The following PFAS variants were observed in gnomAD, a reference collection of about 807,000 sequenced individuals.
The protein encoded by PFAS is FGAM synthase.
Under a neutral mutation model 140.6 loss-of-function variants are expected in PFAS, and 97 were observed. The observed-to-expected ratio is 0.69, with a 90% CI of 0.59 to 0.82. The LOEUF is 0.82. Among genes scored for constraint, PFAS ranks in the 40% least tolerant of loss-of-function variants. The probability of loss-of-function intolerance (pLI) is 0.00; values close to 1 mark genes in which losing one functional copy is unlikely to be tolerated. For synonymous variants in PFAS, 679 were observed against 718.8 expected (o/e 0.94, Z 0.88); for missense variants, 1,656 against 1,780.2 (o/e 0.93, Z 1.26).
At position 8,266,658 on chromosome 17, in the gene PFAS, G is replaced by A; in HGVS notation, c.2822-95G>A. The stretch of plus-strand genomic sequence containing the variant: ...CCCTACTCTCTGGCTGCATCCCTCT[G>A]ACCCTCACCCTGGCCCTTCCTGCAT... On this transcript the variant is annotated intron_variant, in intron 22 of 27. Coordinates refer to ENST00000314666, the MANE Select transcript of PFAS (RefSeq NM_012393.3). The surrounding 1 kb of genome is among the most constrained non-coding windows in gnomAD (Gnocchi z 5.0). 4 of 1,521,874 alleles carry A rather than the reference G, an allele frequency of 2.6e-6. No individual in the cohort carries two copies. The highest frequency in any genetic ancestry group is 1.3e-5 in the South Asian group (1 of 76,494). 94.3% of individuals were successfully genotyped at this position (1,521,874 alleles called of 1,614,324 possible). A position where few individuals can be genotyped will look rare whatever the true frequency, so the allele number is the denominator to read the frequency against.
rs772471030 is a variant in PFAS at position 8,268,612 on chromosome 17, C to T, written c.3462C>T (p.Ser1154=). Reference sequence around the variant, plus strand: ...TCCGGAAGCGGCCAGACACCTTCAGCCTGGGCGTGTGTAATGGCTGTCAAC... The same window carrying T: ...TCCGGAAGCGGCCAGACACCTTCAGTCTGGGCGTGTGTAATGGCTGTCAAC... ...RRFRKRPDTF[S]LGVCNGCQLL... Residue 1154 remains serine, a synonymous_variant, in exon 27 of 28, where the codon AGC becomes AGT. Coordinates refer to ENST00000314666, the MANE Select transcript of PFAS (RefSeq NM_012393.3). 1.2e-6 allele frequency: 2 copies of T among 1,613,516 alleles called. No individual in the cohort carries two copies. Among genetic ancestry groups the T allele is most frequent in the East Asian group, 2.2e-5 (1 of 44,848 alleles).
chr17:8,264,525 G>T lies in PFAS; in HGVS notation c.1973G>T (p.Gly658Val). Residue 658 changes from glycine (G) to valine (V), a missense_variant, in exon 17 of 28, where the codon GGG becomes GTG. Transcript: ENST00000314666. ...CTGCAGCCTCTGGCCTTGCCCCCAG[G>T]GCTGAGCGTGCACCAGGCTCTGGAG... Reference protein sequence around the residue: ...PMLQPLALPPGLSVHQALERV... With the variant: ...PMLQPLALPPVLSVHQALERV... 2 of 1,613,708 alleles carry T rather than the reference G, an allele frequency of 1.2e-6. No homozygotes were observed. The highest frequency in any genetic ancestry group is 1.3e-5 in the African/African-American group (1 of 75,002).
intron 9 of PFAS, 131 bp from the exon 10 acceptor site, chr17:8,257,675 CT>C (rs1243368934): frequency 1.1e-6 from 1 of 915,146 alleles, no homozygotes; most frequent in East Asian, 2.5e-5. Context: ...TAAAGCAGGA[CT>C]TCCTGAAGTG....
chr17:8,250,563 G>A (rs1272186757), intron 1 of PFAS, among the ~76,000 whole-genome samples: 1 of 152,192 alleles, frequency 6.6e-6, no homozygotes, highest in East Asian at 1.9e-4. Context: ...CAAGACTAGG[G>A]GAACAGCAGA....
intron 13 of PFAS, 40 bp downstream of exon 13, chr17:8,263,305 G>C: frequency 6.2e-7 from 1 of 1,608,762 alleles, no homozygotes; most frequent in Non-Finnish European, 8.5e-7. Flanking sequence ...GGCCTGCCTG[G>C]TATCCTGCCA....
chr17:8,266,224 C>T lies in PFAS; in HGVS notation c.2702-10C>T. On this transcript the variant is annotated splice_polypyrimidine_tract_variant and intron_variant, in intron 21 of 27. Coordinates refer to ENST00000314666, the MANE Select transcript of PFAS (RefSeq NM_012393.3). This position sits in a 1 kb window ranked among gnomAD's most constrained non-coding sequence, Gnocchi z 5.0. ...CCCGAGGTTGCTGAGCTTTCTTCTC[C>T]TTCCTCCAGACCGCCTCCTCTGCTC... The T allele has an allele frequency of 1.2e-6, 2 of 1,613,688 alleles. No homozygotes were observed.
intron 4 of PFAS, 118 bp downstream of exon 4, chr17:8,255,250 A>G (rs973654026): frequency 3.9e-6 from 3 of 763,630 alleles, no homozygotes; most frequent in Non-Finnish European, 6.4e-6. Flanking sequence ...GTATGGTCGT[A>G]CAAGTTGTTC....
rs868110296 is a variant in PFAS at position 8,262,991 on chromosome 17, C to T, written c.1408C>T (p.Gln470Ter). The change falls in exon 12 of 28, where the codon CAG becomes TAG. Residue 470 changes from glutamine to a stop codon, truncating the protein, a stop_gained and splice_region_variant. Transcript: ENST00000314666. LOFTEE classifies it high-confidence loss of function. ...GVGGGAASSVQVQGDNTSDLD... is the reference protein window; with the variant it reads ...GVGGGAASSV ...TGGAGGTGGAGCTGCTTCATCTGTG[C>T]AGGTGAGTGGGAATTGCTAAAGGTG... The T allele has an allele frequency of 3.1e-6, 5 of 1,613,486 alleles. No homozygotes were observed. The highest frequency in any genetic ancestry group is 1.3e-5 in the African/African-American group (1 of 74,992).
rs765753310 is a variant in PFAS, at chr17:8,257,895, A to G, written c.1164A>G (p.Gly388=). The change falls in exon 10 of 28, where the codon GGA becomes GGG. Residue 388 remains glycine (G), a synonymous_variant. Coordinates refer to ENST00000314666, the MANE Select transcript of PFAS (RefSeq NM_012393.3). ...AGGTTGCCATTGAAGCCAGTAATGG[A>G]GCTTCTGACTATGGCAACAAGTTTG... ...PLEVAIEASN[G]ASDYGNKFGE... is the part of the protein sequence containing the mutation. The G allele has an allele frequency of 4.3e-6, 7 of 1,614,058 alleles. No homozygotes were observed. Among genetic ancestry groups the G allele is most frequent in the African/African-American group, 1.3e-5 (1 of 74,986 alleles).
intron 1 of PFAS, among the ~76,000 whole-genome samples, chr17:8,252,549 A>G (rs1037660589): frequency 1.3e-5 from 2 of 151,182 alleles, no homozygotes; most frequent in African/African-American, 4.9e-5. Flanking sequence ...GATTACAGGC[A>G]CGCATCACCA....
chr17:8,248,889 G>A (rs1274101301), upstream of PFAS, among the ~76,000 whole-genome samples: 1 of 152,134 alleles, frequency 6.6e-6, no homozygotes, highest in African/African-American at 2.4e-5. Context: ...CATCCTGTCC[G>A]GCATCCCGCA....
chr17:8,257,739 A>C, intron 9 of PFAS, 68 bp from the exon 10 acceptor site: 1 of 1,551,900 alleles, frequency 6.4e-7, no homozygotes, highest in Non-Finnish European at 8.9e-7. Context: ...TTCCTGAAGG[A>C]TGCAGGCTGC....
At chr17:8,262,748 A>G (rs1989641848) in intron 11 of PFAS, among the ~76,000 whole-genome samples, 172 bp from the exon 12 acceptor site, 1 of 151,898 alleles carries the variant, frequency 6.6e-6, no homozygotes, top group African/African-American at 2.4e-5. Flanking sequence ...GTGAGCTGAG[A>G]TCACACCACT....
In PFAS at chr17:8,256,882, C is replaced by T. The variant is rs778134430; in HGVS notation, c.994C>T (p.Arg332Ter). Reference protein sequence around the residue: ...GATTGTGGRIRDVQCTGRGAH... With the variant: ...GATTGTGGRI ...AACCACTGGCACAGGGGGCCGGATT[C>T]GAGATGTCCAGTGCACAGGCCGCGG... Residue 332 changes from arginine (R) to a stop codon, truncating the protein, a stop_gained, in exon 9 of 28, where the codon CGA becomes TGA. Coordinates refer to ENST00000314666, the MANE Select transcript of PFAS (RefSeq NM_012393.3). LOFTEE classifies it high-confidence loss of function. The T allele has an allele frequency of 7.4e-6, 12 of 1,613,504 alleles. No individual in the cohort carries two copies. The highest frequency in any genetic ancestry group is 9.3e-6 in the Non-Finnish European group (11 of 1,179,728).
intron 1 of PFAS, among the ~76,000 whole-genome samples, chr17:8,251,987 C>CT (rs1050776897): frequency 1.1e-4 from 16 of 151,156 alleles, no homozygotes; most frequent in Admixed American, 3.3e-4. Flanking sequence ...TTAAGCAATT[C>CT]TTTTTTTTTG....
chr17:8,247,621 T>G, upstream of PFAS: 1 of 186,840 alleles, frequency 5.4e-6, no homozygotes, highest in Non-Finnish European at 1.1e-5. Flanking sequence ...TTTCGGCGCT[T>G]TTTGCCTTCT....
At position 8,268,777 on chromosome 17, in the gene PFAS, G is replaced by A. The variant is rs781239760; in HGVS notation, c.3627G>A (p.Val1209=). ...SGRYESRWAS[V]RVGPGPALML... ...GCTACGAGTCTCGCTGGGCCAGCGT[G>A]CGTGTGGGGCCTGGGCCAGCCCTGA... The change falls in exon 27 of 28, where the codon GTG becomes GTA. Residue 1209 remains valine (V), a synonymous_variant. Transcript: ENST00000314666. The A allele has an allele frequency of 6.2e-7, 1 of 1,610,146 alleles. No homozygotes were observed. The highest frequency in any genetic ancestry group is 8.5e-7 in the Non-Finnish European group (1 of 1,179,824).
At position 8,268,846 on chromosome 17, in the gene PFAS, G is replaced by T. The variant is rs756141418; in HGVS notation, c.3696G>T (p.Ala1232=). Residue 1232 remains alanine (A), a synonymous_variant, in exon 27 of 28, where the codon GCG becomes GCT. Transcript: ENST00000314666. ...GCGCCGTGCTGCCCGTGTGGAGTGC[G>T]CACGGGGAAGGTCAGGCCCAAGGAA... ...MEGAVLPVWS[A]HGEGYVAFSS... 6.2e-7 allele frequency: 1 copy of T among 1,608,890 alleles called. No individual in the cohort carries two copies. The highest frequency in any genetic ancestry group is 8.5e-7 in the Non-Finnish European group (1 of 1,179,882).
In PFAS at chr17:8,266,286, C is replaced by T; in HGVS notation, c.2754C>T (p.Cys918=). The change falls in exon 22 of 28, where the codon TGC becomes TGT. Residue 918 remains cysteine, a synonymous_variant. Transcript: ENST00000314666. The surrounding 1 kb of genome is among the most constrained non-coding windows in gnomAD (Gnocchi z 5.0). The part of the protein sequence containing the change: ...HDVSDGGLVT[C]LLEMAFAGNC... ...TCAGTGACGGAGGCCTCGTCACATG[C>T]CTGCTGGAGATGGCCTTTGCTGGAA... 6.2e-7 allele frequency: 1 copy of T among 1,614,094 alleles called. No individual in the cohort carries two copies. Among genetic ancestry groups the T allele is most frequent in the Non-Finnish European group, 8.5e-7 (1 of 1,179,982 alleles).
Sources: gnomAD v4.1 joint callset for allele counts (sites outside exome capture counted in the v4.1 genomes callset) on GRCh38, gnomAD v4.1.1 for gene constraint, Gnocchi (gnomAD v3.1) non-coding constraint, MANE v1.5 for transcripts, NCBI Gene and HGNC (gene_info 2026-07-23, HGNC 2026-07-21) for gene names.